TMEM131L: variants seen among roughly 807,000 people sequenced by gnomAD.
TMEM131L encodes the protein transmembrane 131 like.
In TMEM131L, 54 loss-of-function variants were observed where a neutral mutation model predicts 192.2. The observed-to-expected ratio is 0.28, with a 90% CI of 0.23 to 0.35. The LOEUF is 0.35. Among genes scored for constraint, TMEM131L ranks in the 10% least tolerant of loss-of-function variants. The pLI, the probability that TMEM131L is intolerant of heterozygous loss-of-function variation, is 1.00. For synonymous variants in TMEM131L, 701 were observed against 704.9 expected (o/e 0.99, Z 0.09); for missense variants, 1,888 against 1,972.9 (o/e 0.96, Z 0.82).
intron 3 of TMEM131L, among the ~76,000 whole-genome samples, chr4:153,515,775 A>G (rs1580116059): frequency 6.6e-6 from 1 of 152,190 alleles, no homozygotes; most frequent in African/African-American, 2.4e-5. Context: ...TGAGTTTATT[A>G]TAGCCCTTCT....
chr4:153,593,350 G>A (rs1286098497), intron 18 of TMEM131L, among the ~76,000 whole-genome samples: 3 of 152,148 alleles, frequency 2.0e-5, no homozygotes, highest in Non-Finnish European at 4.4e-5. Context: ...GTTGAAGGAT[G>A]TTTAGCAGCA....
At chr4:153,543,842 C>T (rs1178238314) in intron 3 of TMEM131L, among the ~76,000 whole-genome samples, 1 of 152,238 alleles carries the variant, frequency 6.6e-6, no homozygotes. Flanking sequence ...TCCAGCATTT[C>T]CAGCTGTGGG....
At chr4:153,518,709 C>G (rs957636542) in intron 3 of TMEM131L, among the ~76,000 whole-genome samples, 1 of 152,166 alleles carries the variant, frequency 6.6e-6, no homozygotes, top group Non-Finnish European at 1.5e-5. Flanking sequence ...GATAGGCTCT[C>G]GTATATGTTG....
At chr4:153,567,219 A>C (rs1729269786) in intron 7 of TMEM131L, among the ~76,000 whole-genome samples, 1 of 152,256 alleles carries the variant, frequency 6.6e-6, no homozygotes, top group African/African-American at 2.4e-5. Flanking sequence ...TAGGATTTGA[A>C]GATGGAAAAA....
chr4:153,563,524 G>C (rs780057987), intron 7 of TMEM131L, among the ~76,000 whole-genome samples: 5 of 123,052 alleles, frequency 4.1e-5, no homozygotes, highest in Non-Finnish European at 7.9e-5. Flanking sequence ...CTGGAGTACA[G>C]TGCTACTGTC....
chr4:153,467,155 G>T (rs1730817310), intron 1 of TMEM131L, 56 bp from the exon 2 acceptor site: 3 of 1,504,904 alleles, frequency 2.0e-6, no homozygotes, highest in Non-Finnish European at 1.8e-6. Context: ...GGGGAAACAG[G>T]AAGCGTTTCT....
chr4:153,499,600 T>C (rs1733444311), intron 3 of TMEM131L, among the ~76,000 whole-genome samples: 1 of 152,158 alleles, frequency 6.6e-6, no homozygotes, highest in South Asian at 2.1e-4. Context: ...CTAATTTTTG[T>C]ATTTTTAGTA....
rs570122620 is a variant in TMEM131L at position 153,493,123 on chromosome 4, G to T, written c.239+19235G>T. Among the ~76,000 whole-genome samples, 25 of 152,046 alleles carry T rather than the reference G, an allele frequency of 1.6e-4. No individual in the cohort carries two copies. The East Asian group carries it at 4.7e-3, about 28-fold the overall frequency. On this transcript the variant is annotated intron_variant, in intron 3 of 34. Coordinates refer to ENST00000409959, the MANE Select transcript of TMEM131L (RefSeq NM_001131007.2). ...GCACTTTGGGAGGCCGAGGCAGGTG[G>T]GTCACAAGGTCAGGAGATCGAGACC...
chr4:153,621,573 A>G (rs150171743), intron 27 of TMEM131L, 110 bp from the exon 28 acceptor site: 29 of 1,067,394 alleles, frequency 2.7e-5, no homozygotes, highest in Admixed American at 2.1e-4. Context: ...GAGGACTCCT[A>G]TTGTCCCAGA....
intron 3 of TMEM131L, among the ~76,000 whole-genome samples, chr4:153,488,623 G>T (rs1234913609): frequency 6.6e-6 from 1 of 152,238 alleles, no homozygotes; most frequent in Non-Finnish European, 1.5e-5. Context: ...CCAGCTGAGG[G>T]GGCTGGATGG....
intron 21 of TMEM131L, among the ~76,000 whole-genome samples, chr4:153,601,687 ACT>A (rs1417077351): frequency 2.6e-5 from 4 of 152,200 alleles, no homozygotes; most frequent in Non-Finnish European, 5.9e-5. Context: ...ACATGTTTGA[ACT>A]GTGTTTCTAG....
At chr4:153,616,358 T>G (rs1191259406) in intron 26 of TMEM131L, among the ~76,000 whole-genome samples, 1 of 152,268 alleles carries the variant, frequency 6.6e-6, no homozygotes, top group Non-Finnish European at 1.5e-5. Flanking sequence ...CATTTCATTG[T>G]TCATTTGGCG....
chr4:153,523,587 A>C (rs1735267509), intron 3 of TMEM131L, among the ~76,000 whole-genome samples: 1 of 152,218 alleles, frequency 6.6e-6, no homozygotes, highest in Non-Finnish European at 1.5e-5. Context: ...GCAAAGGCTG[A>C]CATTTGCAGA....
chr4:153,621,957 C>A (rs1656376228), intron 28 of TMEM131L, 108 bp downstream of exon 28: 2 of 1,055,000 alleles, frequency 1.9e-6, no homozygotes, highest in Non-Finnish European at 2.7e-6. Context: ...TCTCTACAGG[C>A]AACTTAGCTA....
intron 7 of TMEM131L, among the ~76,000 whole-genome samples, chr4:153,577,343 T>A (rs1427491291): frequency 6.6e-6 from 1 of 152,168 alleles, no homozygotes; most frequent in African/African-American, 2.4e-5. Flanking sequence ...ATGGGTAAAT[T>A]CACTCTTGGT....
intron 15 of TMEM131L, 127 bp downstream of exon 15, chr4:153,587,938 A>G (rs1578808382): frequency 2.7e-6 from 2 of 728,802 alleles, no homozygotes; most frequent in Non-Finnish European, 2.4e-6. Context: ...AGAGAGGATG[A>G]TCATTAACAG....
At chr4:153,598,053 A>G (rs1319948977) in intron 20 of TMEM131L, among the ~76,000 whole-genome samples, 2 of 136,974 alleles carry the variant, frequency 1.5e-5, no homozygotes, top group Non-Finnish European at 3.4e-5. Context: ...GACTAGATAC[A>G]TGTTATTTAT....
At chr4:153,600,473 GA>G (rs1731761405) in intron 21 of TMEM131L, among the ~76,000 whole-genome samples, 1 of 152,040 alleles carries the variant, frequency 6.6e-6, no homozygotes, top group African/African-American at 2.4e-5. Flanking sequence ...TACTGTAACA[GA>G]CAGTGCAGAT....
chr4:153,539,235 G>T (rs1736581020), intron 3 of TMEM131L, among the ~76,000 whole-genome samples: 1 of 152,186 alleles, frequency 6.6e-6, no homozygotes, highest in African/African-American at 2.4e-5. Context: ...TTGTGTTAAG[G>T]AGTCCTTGTT....
Sources: allele counts gnomAD v4.1 joint callset (sites outside exome capture counted in the v4.1 genomes callset), GRCh38; gene constraint gnomAD v4.1.1; transcripts MANE v1.5; gene names NCBI Gene and HGNC (gene_info 2026-07-23, HGNC 2026-07-21).